CELSR3: variants seen among roughly 807,000 people sequenced by gnomAD.
CELSR3 encodes EGF-like protein 1.
In CELSR3, 73 loss-of-function variants were observed where a neutral mutation model predicts 270.0. The observed-to-expected ratio is 0.27, with a 90% CI of 0.22 to 0.33. The LOEUF (loss-of-function observed/expected upper bound fraction) is 0.33, where lower values mean the gene tolerates loss of function less well. CELSR3 is among the 10% of genes least tolerant of loss of function. CELSR3 has a pLI of 1.00. For synonymous variants in CELSR3, 1,780 were observed against 1,905.4 expected, an observed-to-expected ratio of 0.93 and a Z score of 1.71; for missense variants, 3,614 against 4,533.8, an observed-to-expected ratio of 0.80 and a Z score of 5.83.
rs2077054250 is a variant in CELSR3, at chr3:48,659,926, C to T, written c.2709G>A (p.Gln903=). ...ITYLLEDNLP[Q]FRIDADSGAI... ...CTCCTGAGTCTGCATCAATGCGGAA[C>T]TGGGGCAGGTTGTCCTCCAGGAGAT... The change falls in exon 1 of 35, where the codon CAG becomes CAA. Residue 903 remains glutamine, a synonymous_variant. Transcript: ENST00000164024. The surrounding 1 kb of genome is among the most constrained non-coding windows in gnomAD (Gnocchi z 8.1). 2 of 1,614,090 alleles carry T rather than the reference C, an allele frequency of 1.2e-6. No individual in the cohort carries two copies. Among genetic ancestry groups the T allele is most frequent in the African/African-American group, 1.3e-5 (1 of 74,916 alleles).
chr3:48,657,028 A>T lies in CELSR3; in HGVS notation c.4069T>A (p.Tyr1357Asn). The change falls in exon 2 of 35, where the codon TAC becomes AAC. Residue 1357 changes from tyrosine (Y) to asparagine (N), a missense_variant. Physicochemically the swap from Tyr to Asn is moderately radical, Grantham distance 143. Around this residue, in one of 7 missense-constraint regions of CELSR3, gnomAD observed 1,331 missense variants for 1,933.7 expected, o/e 0.69. Transcript: ENST00000164024. The surrounding 1 kb of genome is among the most constrained non-coding windows in gnomAD (Gnocchi z 5.4). The part of the protein sequence containing the change: ...FSSEELQEQL[Y>N]VRRAALAARS... Reference sequence around the variant, plus strand: ...GCCGCCAGCGCCGCCCGGCGCACGTACAACTGCTCCTGCAGCTCCTCGGAG... The same window carrying T: ...GCCGCCAGCGCCGCCCGGCGCACGTTCAACTGCTCCTGCAGCTCCTCGGAG... 6.2e-7 allele frequency: 1 copy of T among 1,613,612 alleles called. No individual in the cohort carries two copies. The highest frequency in any genetic ancestry group is 8.5e-7 in the Non-Finnish European group (1 of 1,179,842).
At position 48,661,671 on chromosome 3, in the gene CELSR3, G is replaced by A. The variant is rs1443859150; in HGVS notation, c.964C>T (p.His322Tyr). The A allele has an allele frequency of 1.2e-5, 19 of 1,583,650 alleles. No individual in the cohort carries two copies. The Admixed American group carries it at 2.9e-4, about 24-fold the overall frequency. The change falls in exon 1 of 35, where the codon CAC (histidine) becomes TAC (tyrosine). Residue 322 changes from histidine to tyrosine, a missense_variant. Physicochemically the swap from His to Tyr is moderately conservative, Grantham distance 83 (BLOSUM62 2). Around this residue, in one of 7 missense-constraint regions of CELSR3, gnomAD observed 470 missense variants for 469.7 expected, o/e 1.00. Transcript: ENST00000164024. ...TAGTTGTACTGCGGAAACTGCGGGTGGCGGTTTGCGGCGCGACGAAAGCGT... is the reference window on the plus strand; with the variant it reads ...TAGTTGTACTGCGGAAACTGCGGGTAGCGGTTTGCGGCGCGACGAAAGCGT... ...RARFRRAANR[H>Y]PQFPQYNYQT...
intron 34 of CELSR3, 146 bp from the exon 35 acceptor site, chr3:48,638,378 C>T: frequency 1.5e-6 from 1 of 666,466 alleles, no homozygotes; most frequent in Non-Finnish European, 2.8e-6. Context: ...TTCATGCCCA[C>T]TCCAGGGTTC....
In CELSR3 at chr3:48,657,177, G is replaced by T. The variant is rs1279944257; in HGVS notation, c.3920C>A (p.Ala1307Asp). ...GATGTTGAAGATGAAGACGTCCTCA[G>T]CGGGCGTAGCGAGCACCGCAGCCAC... ...EGVAAVLATP[A>D]EDVFIFNIQN... Residue 1307 changes from alanine (A) to aspartate (D), a missense_variant, in exon 2 of 35, where the codon GCT (alanine) becomes GAT (aspartate). Coordinates refer to ENST00000164024, the MANE Select transcript of CELSR3 (RefSeq NM_001407.3). This position sits in a 1 kb window ranked among gnomAD's most constrained non-coding sequence, Gnocchi z 5.4. The T allele has an allele frequency of 3.1e-6, 5 of 1,613,994 alleles. No homozygotes were observed. The highest frequency in any genetic ancestry group is 4.2e-6 in the Non-Finnish European group (5 of 1,179,958).
At position 48,641,903 on chromosome 3, in the gene CELSR3, T is replaced by C; in HGVS notation, c.8772A>G (p.Gln2924=). ...EDNGRTRGRF[Q]RPLCRAAQSE... Reference sequence around the variant, plus strand: ...TCTGGGCTGCTCGGCAGAGTGGCCGTTGGAAGCGCCCCCGCGTCCGGCCAT... The same window carrying C: ...TCTGGGCTGCTCGGCAGAGTGGCCGCTGGAAGCGCCCCCGCGTCCGGCCAT... The change falls in exon 32 of 35, where the codon CAA becomes CAG. Residue 2924 remains glutamine, a synonymous_variant. Transcript: ENST00000164024. The surrounding 1 kb of genome is among the most constrained non-coding windows in gnomAD (Gnocchi z 4.8). 2 of 1,582,130 alleles carry C rather than the reference T, an allele frequency of 1.3e-6. No homozygotes were observed. The highest frequency in any genetic ancestry group is 1.8e-5 in the Admixed American group (1 of 54,970).
chr3:48,652,379 C>G lies in CELSR3; in HGVS notation c.5751+58G>C. 1.5e-6 allele frequency: 2 copies of G among 1,375,034 alleles called. No homozygotes were observed. The highest frequency in any genetic ancestry group is 2.1e-6 in the Non-Finnish European group (2 of 962,882). 85.2% of individuals were successfully genotyped at this position (1,375,034 alleles called of 1,614,324 possible). Reference sequence around the variant, plus strand: ...ACTGCCTTTCAGGTCCCAAGGAGCCCCTGACTTCTGACCCCTGACCCTAAT... The same window carrying G: ...ACTGCCTTTCAGGTCCCAAGGAGCCGCTGACTTCTGACCCCTGACCCTAAT... On this transcript the variant is annotated intron_variant, in intron 11 of 34. Coordinates refer to ENST00000164024, the MANE Select transcript of CELSR3 (RefSeq NM_001407.3). The surrounding 1 kb of genome is among the most constrained non-coding windows in gnomAD (Gnocchi z 4.3).
chr3:48,660,084 C>T lies in CELSR3; in HGVS notation c.2551G>A (p.Ala851Thr). The T allele has an allele frequency of 1.2e-6, 2 of 1,614,168 alleles. No homozygotes were observed. Among genetic ancestry groups the T allele is most frequent in the Non-Finnish European group, 8.5e-7 (1 of 1,180,032 alleles). Residue 851 changes from alanine (A) to threonine (T), a missense_variant, in exon 1 of 35, where the codon GCC becomes ACC. By Grantham distance (58) the Ala-to-Thr change is moderately conservative. Coordinates refer to ENST00000164024, the MANE Select transcript of CELSR3 (RefSeq NM_001407.3). The surrounding 1 kb of genome is among the most constrained non-coding windows in gnomAD (Gnocchi z 5.5). ...HCYVHINITD[A>T]NTHRPVFQSA... Reference sequence around the variant, plus strand: ...TGAAAGACCGGCCGATGAGTGTTGGCATCTGTGATGTTGATGTGCACATAG... The same window carrying T: ...TGAAAGACCGGCCGATGAGTGTTGGTATCTGTGATGTTGATGTGCACATAG...
rs996656815 is a variant in CELSR3, at chr3:48,657,301, T to G, written c.3796A>C (p.Ile1266Leu). Residue 1266 changes from isoleucine to leucine, a missense_variant, in exon 2 of 35, where the codon ATC (isoleucine) becomes CTC (leucine). Transcript: ENST00000164024. The surrounding 1 kb of genome is among the most constrained non-coding windows in gnomAD (Gnocchi z 5.4). ...CTGTTGGCCAGCAACTCCTCCGTGA[T>G]GATGACCACGCGCAGCACACACTGC... The part of the protein sequence containing the change: ...TAQCVLRVVI[I>L]TEELLANSLT... 7 of 1,610,344 alleles carry G rather than the reference T, an allele frequency of 4.3e-6. No homozygotes were observed. The highest frequency in any genetic ancestry group is 5.9e-6 in the Non-Finnish European group (7 of 1,178,636).
In CELSR3 at chr3:48,640,289, G is replaced by T; in HGVS notation, c.9296C>A (p.Pro3099Gln). 6.2e-7 allele frequency: 1 copy of T among 1,612,860 alleles called. No individual in the cohort carries two copies. The highest frequency in any genetic ancestry group is 8.5e-7 in the Non-Finnish European group (1 of 1,179,976). ...PAPVLRPLSR[P>Q]GSQECMDAAP... is the part of the protein sequence containing the mutation. ...AGCATCCATGCATTCCTGGGACCCT[G>T]GCCGGCTCAGGGGACGTAGAACAGG... The change falls in exon 34 of 35, where the codon CCA (proline) becomes CAA (glutamine). Residue 3099 changes from proline (P) to glutamine (Q), a missense_variant. Pro to Gln is a moderately conservative substitution (Grantham distance 76). Coordinates refer to ENST00000164024, the MANE Select transcript of CELSR3 (RefSeq NM_001407.3). The surrounding 1 kb of genome is among the most constrained non-coding windows in gnomAD (Gnocchi z 7.5).
At position 48,660,878 on chromosome 3, in the gene CELSR3, CTGA is replaced by C; in HGVS notation, c.1754_1756del (p.Ile585del). The C allele has an allele frequency of 6.2e-7, 1 of 1,614,004 alleles. No individual in the cohort carries two copies. Among genetic ancestry groups the C allele is most frequent in the South Asian group, 1.1e-5 (1 of 91,088 alleles). On this transcript the variant is annotated inframe_deletion, in exon 1 of 35. Coordinates refer to ENST00000164024, the MANE Select transcript of CELSR3 (RefSeq NM_001407.3). This position sits in a 1 kb window ranked among gnomAD's most constrained non-coding sequence, Gnocchi z 5.5. ...GGCAAAGTGTCCACGGCTATTGCCA[CTGA>C]TGATGTTGTAGTGCACCAATCCGTT... is the stretch of plus-strand genomic sequence containing the variant.
In CELSR3 at chr3:48,659,716, A is replaced by G. The variant is rs1575545940; in HGVS notation, c.2919T>C (p.Asp973=). 1.2e-6 allele frequency: 2 copies of G among 1,614,212 alleles called. No individual in the cohort carries two copies. The highest frequency in any genetic ancestry group is 1.7e-6 in the Non-Finnish European group (2 of 1,180,032). ...GCAGGACACTGGTGAAAGGTGGGGC[A>G]TCCTCAGAGACCAGCCCTGTATAGT... The part of the protein sequence containing the change: ...ASHYTGLVSE[D]APPFTSVLQI... The change falls in exon 1 of 35, where the codon GAT becomes GAC. Residue 973 remains aspartate (D), a synonymous_variant. Transcript: ENST00000164024. This position sits in a 1 kb window ranked among gnomAD's most constrained non-coding sequence, Gnocchi z 8.1.
intron 2 of CELSR3, 138 bp from the exon 3 acceptor site, chr3:48,656,503 C>T: frequency 8.9e-7 from 1 of 1,128,242 alleles, no homozygotes; most frequent in South Asian, 1.8e-5. Flanking sequence ...CCCCTTCCGT[C>T]TGGCCCCGCC....
chr3:48,650,224 G>A lies in CELSR3; in HGVS notation c.6472+256C>T. ...CAGGCAGCAGGAGGGGTCTGCAAAA[G>A]CTCTGGTAGTGGGAGGGGGCAGTGC... On this transcript the variant is annotated intron_variant, in intron 16 of 34. Coordinates refer to ENST00000164024, the MANE Select transcript of CELSR3 (RefSeq NM_001407.3). The surrounding 1 kb of genome is among the most constrained non-coding windows in gnomAD (Gnocchi z 5.1). 1.6e-6 allele frequency: 1 copy of A among 606,656 alleles called. No individual in the cohort carries two copies. Among genetic ancestry groups the A allele is most frequent in the South Asian group, 1.5e-5 (1 of 65,950 alleles). 37.6% of individuals were successfully genotyped at this position (606,656 alleles called of 1,614,324 possible).
chr3:48,653,887 A>G lies in CELSR3; in HGVS notation c.5269T>C (p.Cys1757Arg). The G allele has an allele frequency of 6.2e-7, 1 of 1,613,728 alleles. No homozygotes were observed. Among genetic ancestry groups the G allele is most frequent in the Non-Finnish European group, 8.5e-7 (1 of 1,179,828 alleles). ...DCPVGFGGKD[C>R]QLTMAHPHHF... The stretch of plus-strand genomic sequence containing the variant: ...CATGCTGCCCACTTACTAAGCTGAC[A>G]GTCTTTGCCGCCGAAGCCCACAGGG... The change falls in exon 8 of 35, where the codon TGT becomes CGT. Residue 1757 changes from cysteine to arginine, a missense_variant. Cys to Arg is a radical substitution (Grantham distance 180). Coordinates refer to ENST00000164024, the MANE Select transcript of CELSR3 (RefSeq NM_001407.3). This position sits in a 1 kb window ranked among gnomAD's most constrained non-coding sequence, Gnocchi z 6.5.
rs2047153886 is a variant in CELSR3 at position 48,653,322 on chromosome 3, G to T, written c.5449-135C>A. On this transcript the variant is annotated intron_variant, in intron 9 of 34. Transcript: ENST00000164024. The surrounding 1 kb of genome is among the most constrained non-coding windows in gnomAD (Gnocchi z 6.5). ...GTCAAGGTTATACCTGGCACAAAGG[G>T]CACTGTGCCAGGGGACATCATGTTG... is the stretch of plus-strand genomic sequence containing the variant. The T allele has an allele frequency of 2.5e-6, 2 of 806,388 alleles. No individual in the cohort carries two copies. The highest frequency in any genetic ancestry group is 1.8e-5 in the South Asian group (1 of 56,728). The allele number at this position is 806,388 out of a possible 1,614,324, so 50.0% of individuals were successfully genotyped here.
intron 27 of CELSR3, 156 bp from the exon 28 acceptor site, chr3:48,643,833 T>A (rs979941213): frequency 3.7e-6 from 3 of 818,822 alleles, no homozygotes; most frequent in Middle Eastern, 2.3e-4. Context: ...CTGGGGGAGA[T>A]GGGAGGTCCC....
At position 48,660,901 on chromosome 3, in the gene CELSR3, T is replaced by A; in HGVS notation, c.1734A>T (p.Gly578=). 1 of 1,613,938 alleles carries A rather than the reference T, an allele frequency of 6.2e-7. No homozygotes were observed. Among genetic ancestry groups the A allele is most frequent in the Middle Eastern group, 1.6e-4 (1 of 6,062 alleles). The part of the protein sequence containing the change: ...TATDRDKDAN[G]LVHYNIISGN... ...CACTGATGATGTTGTAGTGCACCAA[T>A]CCGTTGGCGTCCTTGTCCCGGTCAG... is the stretch of plus-strand genomic sequence containing the variant. Residue 578 remains glycine, a synonymous_variant, in exon 1 of 35, where the codon GGA becomes GGT. Transcript: ENST00000164024. The surrounding 1 kb of genome is among the most constrained non-coding windows in gnomAD (Gnocchi z 5.5).
At position 48,646,900 on chromosome 3, in the gene CELSR3, G is replaced by A. The variant is rs767283633; in HGVS notation, c.7158C>T (p.Asn2386=). The A allele has an allele frequency of 9.6e-6, 15 of 1,564,202 alleles. No individual in the cohort carries two copies. The East Asian group carries it at 3.1e-4, about 32-fold the overall frequency. The part of the protein sequence containing the change: ...EVLPTSSSIE[N]STTSSVVPPP... ...GGGGGACCACACTTGAGGTGGTGGA[G>A]TTTTCTATGCTGCTGCTTGTGGGCA... Residue 2386 remains asparagine (N), a synonymous_variant, in exon 21 of 35, where the codon AAC becomes AAT. Transcript: ENST00000164024. The surrounding 1 kb of genome is among the most constrained non-coding windows in gnomAD (Gnocchi z 4.8).
chr3:48,651,324 C>T lies in CELSR3; in HGVS notation c.6186+35G>A, dbSNP rs1195929311. On this transcript the variant is annotated intron_variant, in intron 14 of 34. Transcript: ENST00000164024. The surrounding 1 kb of genome is among the most constrained non-coding windows in gnomAD (Gnocchi z 7.4). The stretch of plus-strand genomic sequence containing the variant: ...CTGGACAGGAATTGCAGATTGCGTC[C>T]AAGGAAGGGTTAAAAGGTCAGGGGC... 6.2e-7 allele frequency: 1 copy of T among 1,611,150 alleles called. No homozygotes were observed. The highest frequency in any genetic ancestry group is 1.7e-5 in the Admixed American group (1 of 59,906).
Sources: allele counts gnomAD v4.1 joint callset, GRCh38; gene constraint gnomAD v4.1.1; regional missense constraint gnomAD v4.1.1; non-coding constraint Gnocchi (gnomAD v3.1); transcripts MANE v1.5; gene names NCBI Gene and HGNC (gene_info 2026-07-23, HGNC 2026-07-21).